The following ADPGK variants were observed in gnomAD, a reference collection of about 807,000 sequenced individuals.
ADPGK encodes the protein ADP-dependent glucokinase.
In ADPGK, 26 loss-of-function variants were observed where a neutral mutation model predicts 42.4. The observed-to-expected ratio is 0.61, with a 90% confidence interval of 0.45 to 0.85. The LOEUF is 0.85. ADPGK is among the 40% of genes least tolerant of loss of function. The pLI is 0.00. For missense variants in ADPGK, 571 were observed against 627.0 expected, an observed-to-expected ratio of 0.91 and a Z score of 0.95; for synonymous variants, 267 against 252.6, an observed-to-expected ratio of 1.06 and a Z score of -0.54.
At position 72,783,727 on chromosome 15, in the gene ADPGK, C is replaced by T. The variant is rs1209986425; in HGVS notation, c.-36G>A. On this transcript the variant is annotated 5_prime_UTR_variant, in exon 1 of 7. Coordinates refer to ENST00000456471, the MANE Select transcript of ADPGK (RefSeq NM_001365225.1). The stretch of plus-strand genomic sequence containing the variant: ...GCGCCGCACCTGCGCGAACCAACTC[C>T]TTTCCTAGCCCGCGCCTCTTCCGGG... The T allele has an allele frequency of 7.1e-6, 10 of 1,417,570 alleles. No individual in the cohort carries two copies. The highest frequency in any genetic ancestry group is 1.8e-4 in the Middle Eastern group (1 of 5,460). 87.8% of individuals were successfully genotyped at this position (1,417,570 alleles called of 1,614,324 possible).
At chr15:72,773,478 GT>G (rs1335393787) in intron 2 of ADPGK, among the ~76,000 whole-genome samples, 1 of 152,148 alleles carries the variant, frequency 6.6e-6, no homozygotes, top group African/African-American at 2.4e-5. Context: ...TTCATATAAT[GT>G]TTATCAACCT....
At chr15:72,756,594 G>GGTC (rs1406556833) in intron 4 of ADPGK, 147 bp from the exon 5 acceptor site, 3 of 790,468 alleles carry the variant, frequency 3.8e-6, no homozygotes, top group African/African-American at 3.5e-5. Context: ...AATGGCCTAA[G>GGTC]GTCAGCATGG....
Position 72,752,674 on chromosome 15 carries a change from G to A in ADPGK, c.1161C>T (p.His387=), listed in dbSNP as rs1161744503. 1.9e-6 allele frequency: 3 copies of A among 1,614,228 alleles called. No homozygotes were observed. Among genetic ancestry groups the A allele is most frequent in the East Asian group, 2.2e-5 (1 of 44,876 alleles). ...TRIHFHTLVY[H]ILATVDGHWA... ...AGTGTCCATCCACAGTTGCCAGGAT[G>A]TGGTAGACCAGCGTGTGGAAATGGA... The change falls in exon 7 of 7, where the codon CAC becomes CAT. Residue 387 remains histidine, a synonymous_variant. Transcript: ENST00000456471.
intron 3 of ADPGK, among the ~76,000 whole-genome samples, chr15:72,761,408 G>A (rs1325186128): frequency 6.6e-6 from 1 of 152,222 alleles, no homozygotes; most frequent in Non-Finnish European, 1.5e-5. Context: ...ACTGTTAAGT[G>A]AATAGGACAG....
chr15:72,771,859 C>CA lies in ADPGK; in HGVS notation c.460-15dup, dbSNP rs754419340. 3 of 1,601,632 alleles carry CA rather than the reference C, an allele frequency of 1.9e-6. No individual in the cohort carries two copies. In the African/African-American group the frequency reaches 4.0e-5, roughly 22 times the overall value. ...TCCTACATAGTGCTGTAAGAGAGTTCAAGGCTTTTAGACAGTATTTTAATA... is the reference window on the plus strand; with the variant it reads ...TCCTACATAGTGCTGTAAGAGAGTTCAAAGGCTTTTAGACAGTATTTTAATA... On this transcript the variant is annotated splice_polypyrimidine_tract_variant and intron_variant, in intron 2 of 6. Coordinates refer to ENST00000456471, the MANE Select transcript of ADPGK (RefSeq NM_001365225.1).
chr15:72,763,921 G>A (rs1398635316), intron 3 of ADPGK, among the ~76,000 whole-genome samples: 2 of 151,966 alleles, frequency 1.3e-5, no homozygotes, highest in African/African-American at 4.8e-5. Flanking sequence ...AACTGTTTTG[G>A]GACACCACAG....
At chr15:72,776,588 G>T (rs966504124) in intron 1 of ADPGK, among the ~76,000 whole-genome samples, 1 of 152,088 alleles carries the variant, frequency 6.6e-6, no homozygotes, top group Non-Finnish European at 1.5e-5. Flanking sequence ...ATTTTACCAG[G>T]TATATTTCTA....
chr15:72,762,968 C>T (rs1325403927), intron 3 of ADPGK, among the ~76,000 whole-genome samples: 1 of 151,978 alleles, frequency 6.6e-6, no homozygotes, highest in African/African-American at 2.4e-5. Flanking sequence ...AAGTGAGATT[C>T]TGTCTCCAAA....
chr15:72,766,440 G>C (rs2066260853), intron 3 of ADPGK, among the ~76,000 whole-genome samples: 1 of 152,144 alleles, frequency 6.6e-6, no homozygotes, highest in Non-Finnish European at 1.5e-5. Flanking sequence ...ACCCTGATCA[G>C]CCAGCAGCCA....
chr15:72,758,310 C>T (rs1184545969), intron 4 of ADPGK: 5 of 686,782 alleles, frequency 7.3e-6, no homozygotes. Context: ...AATCTCTTCT[C>T]AATGTATCAT....
At chr15:72,756,731 C>T (rs1329495417) in intron 4 of ADPGK, 3 of 457,360 alleles carry the variant, frequency 6.6e-6, no homozygotes, top group Admixed American at 3.6e-5. Context: ...CCTACTTGAG[C>T]TCTCAAACAC....
intron 5 of ADPGK, 143 bp from the exon 6 acceptor site, chr15:72,755,797 C>A: frequency 1.5e-6 from 1 of 665,292 alleles, no homozygotes. Flanking sequence ...CAATGTGGGT[C>A]CCCACCACCT....
In ADPGK at chr15:72,771,904, TA is replaced by T. The variant is rs1220333816; in HGVS notation, c.460-60del. 4 of 1,339,272 alleles carry T rather than the reference TA, an allele frequency of 3.0e-6. No homozygotes were observed. In the Admixed American group the frequency reaches 9.5e-5, roughly 32 times the overall value. 83.0% of individuals were successfully genotyped at this position (1,339,272 alleles called of 1,614,324 possible). ...TTAATACAACTATATCACCCAAGTT[TA>T]ATCATTTTTTATTTTAAAAATTAAT... On this transcript the variant is annotated intron_variant, in intron 2 of 6. Transcript: ENST00000456471.
intron 4 of ADPGK, chr15:72,757,201 CT>C (rs34450649): frequency 0.65 from 80,303 of 123,192 alleles, 25,410 homozygotes; most frequent in Middle Eastern, 0.8. Flanking sequence ...TTCTTTTTTC[CT>C]TTTTTTTTTT....
At chr15:72,772,983 T>C (rs893277899) in intron 2 of ADPGK, among the ~76,000 whole-genome samples, 1 of 152,168 alleles carries the variant, frequency 6.6e-6, no homozygotes, top group Admixed American at 6.5e-5. Context: ...CCCAGCTTCC[T>C]AGTCCTCAGC....
At chr15:72,780,958 G>A (rs2066450588) in intron 1 of ADPGK, among the ~76,000 whole-genome samples, 1 of 152,030 alleles carries the variant, frequency 6.6e-6, no homozygotes, top group Admixed American at 6.6e-5. Flanking sequence ...CCCTACAATG[G>A]CCTCTTAAAC....
intron 1 of ADPGK, chr15:72,783,213 G>C (rs1209093132): frequency 3.3e-6 from 4 of 1,225,792 alleles, no homozygotes; most frequent in East Asian, 3.2e-5. Flanking sequence ...AGACAAAGCG[G>C]GATTAGCAAG....
chr15:72,774,797 T>C, intron 2 of ADPGK, 75 bp downstream of exon 2: 1 of 1,373,160 alleles, frequency 7.3e-7, no homozygotes, highest in South Asian at 1.4e-5. Context: ...GAAAAGTTGC[T>C]TGCTTGCTTC....
chr15:72,782,148 C>A (rs958472700), intron 1 of ADPGK, among the ~76,000 whole-genome samples: 3 of 152,190 alleles, frequency 2.0e-5, no homozygotes, highest in African/African-American at 7.2e-5. Context: ...AGACAGGGGC[C>A]TTGCTTCACC....
Sources: allele counts gnomAD v4.1 joint callset (sites outside exome capture counted in the v4.1 genomes callset), GRCh38; gene constraint gnomAD v4.1.1; transcripts MANE v1.5; gene names NCBI Gene and HGNC (gene_info 2026-07-23, HGNC 2026-07-21).